Variants in ACRBP observed in about 807,000 individuals in gnomAD.
The protein encoded by ACRBP is acrosin-binding protein.
In ACRBP, 52 loss-of-function variants were observed where a neutral mutation model predicts 69.0. The observed-to-expected ratio is 0.75, with a 90% CI of 0.60 to 0.95. ACRBP has a LOEUF of 0.95. ACRBP is among the 40% of genes least tolerant of loss of function. The pLI, the probability that ACRBP is intolerant of heterozygous loss-of-function variation, is 0.00. For missense variants in ACRBP, 604 were observed against 673.0 expected (o/e 0.90, Z 1.13); for synonymous variants, 267 against 258.9 (o/e 1.03, Z -0.30).
rs764217842 is a variant in ACRBP, at chr12:6,640,501, G to A, written c.1099C>T (p.Arg367Ter). 5.6e-6 allele frequency: 9 copies of A among 1,613,688 alleles called. No homozygotes were observed. The highest frequency in any genetic ancestry group is 1.1e-5 in the South Asian group (1 of 91,052). ...GKSVCDSLGR[R>*]HMSTCALCDF... The stretch of plus-strand genomic sequence containing the variant: ...CAGAGGGCACAGGTAGACATGTGTC[G>A]CCGCCCAAGGCTGTCACAGACCTGG... Residue 367 changes from arginine to a stop codon, truncating the protein, a stop_gained, in exon 7 of 10, where the codon CGA becomes TGA. Coordinates refer to ENST00000229243, the MANE Select transcript of ACRBP (RefSeq NM_032489.3). LOFTEE classifies it high-confidence loss of function. This position sits in a 1 kb window ranked among gnomAD's most constrained non-coding sequence, Gnocchi z 5.3.
chr12:6,643,688 C>CT lies in ACRBP; in HGVS notation c.945-18dup. 4.3e-6 allele frequency: 7 copies of CT among 1,612,280 alleles called. No individual in the cohort carries two copies. Among genetic ancestry groups the CT allele is most frequent in the Non-Finnish European group, 5.1e-6 (6 of 1,178,632 alleles). The stretch of plus-strand genomic sequence containing the variant: ...TGCAGGAGGCTGCAAGAAGACAGCA[C>CT]TGAGGGTGGGGCTGGGCCAGGTGGC... On this transcript the variant is annotated splice_polypyrimidine_tract_variant and intron_variant, in intron 5 of 9. Coordinates refer to ENST00000229243, the MANE Select transcript of ACRBP (RefSeq NM_032489.3).
In ACRBP at chr12:6,638,951, C is replaced by T. The variant is rs1214235649; in HGVS notation, c.1509+3G>A. ...GAAGGAGGGGCAGGGCAGGGGTGCT[C>T]ACCTTCCGATTGCGGTTTCTCATCA... On this transcript the variant is annotated splice_donor_region_variant and intron_variant, in intron 9 of 9. Coordinates refer to ENST00000229243, the MANE Select transcript of ACRBP (RefSeq NM_032489.3). 6.2e-6 allele frequency: 10 copies of T among 1,613,648 alleles called. No homozygotes were observed. The highest frequency in any genetic ancestry group is 2.2e-5 in the East Asian group (1 of 44,898).
rs1225379530 is a variant in ACRBP at position 6,643,487 on chromosome 12, G to T, written c.1077+52C>A. The T allele has an allele frequency of 1.0e-5, 16 of 1,605,582 alleles. No homozygotes were observed. In the Admixed American group the frequency reaches 2.3e-4, roughly 24 times the overall value. The stretch of plus-strand genomic sequence containing the variant: ...CTCCCATAGCCTAGCACAGTGCCTG[G>T]CCAAGAGGATGCCCAGTGGCATGTA... On this transcript the variant is annotated intron_variant, in intron 6 of 9. Coordinates refer to ENST00000229243, the MANE Select transcript of ACRBP (RefSeq NM_032489.3).
At chr12:6,646,630 G>A in intron 2 of ACRBP, 53 bp from the exon 3 acceptor site, 1 of 1,568,904 alleles carries the variant, frequency 6.4e-7, no homozygotes, top group Non-Finnish European at 8.8e-7. Context: ...TTGGGGTGGG[G>A]CTGTGGGCAA....
intron 6 of ACRBP, among the ~76,000 whole-genome samples, chr12:6,641,312 C>A (rs1288325149): frequency 6.6e-6 from 1 of 152,226 alleles, no homozygotes; most frequent in African/African-American, 2.4e-5. Context: ...GGTCCTCCTT[C>A]CTCCCCCATG....
chr12:6,644,775 C>G (rs1333254474), intron 4 of ACRBP, among the ~76,000 whole-genome samples, 170 bp from the exon 5 acceptor site: 1 of 152,128 alleles, frequency 6.6e-6, no homozygotes, highest in African/African-American at 2.4e-5. Flanking sequence ...ATTACCACGG[C>G]AACTGTAAGG....
At chr12:6,638,682 T>G in intron 9 of ACRBP, 1 of 1,421,072 alleles carries the variant, frequency 7.0e-7, no homozygotes. Context: ...GACCGAGACC[T>G]CAACGTCCAA....
Position 6,640,505 on chromosome 12 carries a change from C to T in ACRBP, c.1095G>A (p.Gly365=), listed in dbSNP as rs1256230173. The change falls in exon 7 of 10, where the codon GGG becomes GGA. Residue 365 remains glycine (G), a synonymous_variant. Coordinates refer to ENST00000229243, the MANE Select transcript of ACRBP (RefSeq NM_032489.3). The surrounding 1 kb of genome is among the most constrained non-coding windows in gnomAD (Gnocchi z 5.3). The part of the protein sequence containing the change: ...GFGKSVCDSL[G]RRHMSTCALC... ...GGGCACAGGTAGACATGTGTCGCCG[C>T]CCAAGGCTGTCACAGACCTGGGGCA... 1 of 1,613,860 alleles carries T rather than the reference C, an allele frequency of 6.2e-7. No individual in the cohort carries two copies. The highest frequency in any genetic ancestry group is 2.2e-5 in the East Asian group (1 of 44,870).
At chr12:6,644,950 T>C (rs1949077521) in intron 4 of ACRBP, among the ~76,000 whole-genome samples, 1 of 152,216 alleles carries the variant, frequency 6.6e-6, no homozygotes, top group Non-Finnish European at 1.5e-5. Flanking sequence ...ATAAAGGGCC[T>C]AGAGGTCCTT....
Position 6,638,267 on chromosome 12 carries a change from A to G in ACRBP, c.*15T>C, listed in dbSNP as rs1431901276. The G allele has an allele frequency of 6.2e-7, 1 of 1,613,334 alleles. No individual in the cohort carries two copies. Among genetic ancestry groups the G allele is most frequent in the African/African-American group, 1.3e-5 (1 of 74,898 alleles). On this transcript the variant is annotated 3_prime_UTR_variant, in exon 10 of 10. Coordinates refer to ENST00000229243, the MANE Select transcript of ACRBP (RefSeq NM_032489.3). ...GGGCAGGTTGGGCTGGGGTGTGGGC[A>G]GAATAGACGCCAGCTCATCCGAACT... is the stretch of plus-strand genomic sequence containing the variant.
chr12:6,644,111 G>C (rs781408740), intron 5 of ACRBP, 26 bp downstream of exon 5: 1 of 1,545,220 alleles, frequency 6.5e-7, no homozygotes, highest in Non-Finnish European at 8.7e-7. Flanking sequence ...GGGCAGGGTG[G>C]ATGACAGAGT....
intron 4 of ACRBP, 68 bp downstream of exon 4, chr12:6,645,152 C>G (rs1217603202): frequency 1.6e-6 from 2 of 1,243,072 alleles, no homozygotes; most frequent in Non-Finnish European, 2.3e-6. Flanking sequence ...GCCATGGATG[C>G]CTTACGTTGT....
intron 1 of ACRBP, 123 bp from the exon 2 acceptor site, chr12:6,647,135 G>GT: frequency 1.0e-5 from 11 of 1,101,592 alleles, no homozygotes; most frequent in Non-Finnish European, 1.5e-5. Flanking sequence ...TGACCAGGGC[G>GT]GGGGGAGTCT....
intron 4 of ACRBP, 117 bp from the exon 5 acceptor site, chr12:6,644,722 C>T: frequency 2.1e-6 from 3 of 1,398,736 alleles, no homozygotes; most frequent in Non-Finnish European, 2.8e-6. Flanking sequence ...CTTATACACA[C>T]AGAAAAACAC....
chr12:6,644,526 G>C lies in ACRBP; in HGVS notation c.555C>G (p.Ser185=), dbSNP rs756067193. The change falls in exon 5 of 10, where the codon TCC becomes TCG. Residue 185 remains serine (S), a synonymous_variant. Coordinates refer to ENST00000229243, the MANE Select transcript of ACRBP (RefSeq NM_032489.3). The part of the protein sequence containing the change: ...NVEELLQSSL[S]LGGQEQAPEH... The stretch of plus-strand genomic sequence containing the variant: ...CTGGCGCTTGCTCCTGGCCTCCCAG[G>C]GACAAGGAGGATTGTAGGAGCTCTT... 1 of 1,613,994 alleles carries C rather than the reference G, an allele frequency of 6.2e-7. No homozygotes were observed. The highest frequency in any genetic ancestry group is 1.1e-5 in the South Asian group (1 of 91,072).
rs1949047290 is a variant in ACRBP, at chr12:6,640,857, C to G, written c.1078-335G>C. ...AGATGTCTGTGATTGGGTGATCTTA[C>G]AGATACCCCAACTTAGCCTATCTGA... is the stretch of plus-strand genomic sequence containing the variant. On this transcript the variant is annotated intron_variant, in intron 6 of 9. Coordinates refer to ENST00000229243, the MANE Select transcript of ACRBP (RefSeq NM_032489.3). The surrounding 1 kb of genome is among the most constrained non-coding windows in gnomAD (Gnocchi z 5.3). Among the ~76,000 whole-genome samples, 1 of 152,152 alleles carries G rather than the reference C, an allele frequency of 6.6e-6. No individual in the cohort carries two copies. The highest frequency in any genetic ancestry group is 6.5e-5 in the Admixed American group (1 of 15,276).
intron 6 of ACRBP, 58 bp downstream of exon 6, chr12:6,643,481 T>A: frequency 6.2e-7 from 1 of 1,602,984 alleles, no homozygotes; most frequent in Admixed American, 1.7e-5. Flanking sequence ...CCTAGCACAG[T>A]GCCTGGCCAA....
chr12:6,647,307 A>T lies in ACRBP; in HGVS notation c.43+17T>A, dbSNP rs1256899209. The T allele has an allele frequency of 6.5e-7, 1 of 1,549,594 alleles. No homozygotes were observed. Among genetic ancestry groups the T allele is most frequent in the Non-Finnish European group, 8.7e-7 (1 of 1,149,262 alleles). ...TAGCCCGGGGAGAGTCTGTTGGAGC[A>T]GGTGTAAACCTCTCACCCTTCAGGA... On this transcript the variant is annotated intron_variant, in intron 1 of 9. Transcript: ENST00000229243.
chr12:6,639,784 C>T (rs1592305858), intron 8 of ACRBP, among the ~76,000 whole-genome samples: 1 of 152,198 alleles, frequency 6.6e-6, no homozygotes, highest in East Asian at 1.9e-4. Flanking sequence ...GACTTGATCA[C>T]AGCCACCCAG....
Sources: allele counts gnomAD v4.1 joint callset (sites outside exome capture counted in the v4.1 genomes callset), GRCh38; gene constraint gnomAD v4.1.1; non-coding constraint Gnocchi (gnomAD v3.1); transcripts MANE v1.5; gene names NCBI Gene and HGNC (gene_info 2026-07-23, HGNC 2026-07-21).